PDE4B: variants seen among roughly 807,000 people sequenced by gnomAD.
PDE4B encodes the protein phosphodiesterase 4B.
In PDE4B, 20 loss-of-function variants were observed where a neutral mutation model predicts 82.2. That is an observed-to-expected ratio of 0.24 (90% CI 0.17 to 0.35). The LOEUF is 0.35. Ranked by LOEUF, PDE4B falls within the 10% of genes least tolerant of loss-of-function variation. The pLI is 1.00. For synonymous variants in PDE4B, 320 were observed against 318.9 expected (o/e 1.00, Z -0.04); for missense variants, 655 against 907.2 (o/e 0.72, Z 3.57).
chr1:65,962,442 C>CT (rs1481602367), intron 3 of PDE4B, among the ~76,000 whole-genome samples: 1 of 152,122 alleles, frequency 6.6e-6, no homozygotes, highest in African/African-American at 2.4e-5. Flanking sequence ...CACTGTTTTA[C>CT]TAGGGACATA....
rs72928219 is a variant in PDE4B, at chr1:66,362,438, G to A, written c.1020+645G>A. 9.1e-3 allele frequency among the ~76,000 whole-genome samples: 1,388 copies of A among 152,248 alleles called. 23 individuals carry two copies. The highest frequency in any genetic ancestry group is 0.032 in the African/African-American group (1,310 of 41,542). ...TGTGAGAATATGAAATGAGCTTACTGTGAGCAGTAAGACCTTCTGAAAGCT... is the reference window on the plus strand; with the variant it reads ...TGTGAGAATATGAAATGAGCTTACTATGAGCAGTAAGACCTTCTGAAAGCT... On this transcript the variant is annotated intron_variant, in intron 10 of 16. Transcript: ENST00000341517.
intron 1 of PDE4B, among the ~76,000 whole-genome samples, chr1:65,834,977 C>T (rs1161965322): frequency 6.6e-6 from 1 of 152,172 alleles, no homozygotes; most frequent in Non-Finnish European, 1.5e-5. Flanking sequence ...CCACTCTATC[C>T]ATCTATAGCT....
At position 66,368,865 on chromosome 1, in the gene PDE4B, C is replaced by A; in HGVS notation, c.1741C>A (p.Arg581Ser). ...SLELYRQWTD[R>S]IMEEFFQQGD... ...GGAATTGTATCGGCAATGGACAGAC[C>A]GCATCATGGAGGAATTTTTCCAGCA... is the stretch of plus-strand genomic sequence containing the variant. Residue 581 changes from arginine to serine, a missense_variant, in exon 16 of 17, where the codon CGC (arginine) becomes AGC (serine). This residue lies in a region of PDE4B where 283 missense variants were observed against 516.4 expected (regional missense o/e 0.55). Transcript: ENST00000341517. 1.2e-6 allele frequency: 2 copies of A among 1,613,200 alleles called. No homozygotes were observed. The highest frequency in any genetic ancestry group is 1.7e-6 in the Non-Finnish European group (2 of 1,179,526).
intron 1 of PDE4B, among the ~76,000 whole-genome samples, chr1:65,900,460 G>T (rs1002964390): frequency 6.6e-6 from 1 of 151,690 alleles, no homozygotes; most frequent in Non-Finnish European, 1.5e-5. Context: ...AATTTCACAC[G>T]AATTTTAGAA....
intron 3 of PDE4B, among the ~76,000 whole-genome samples, chr1:66,016,531 A>G (rs1359244158): frequency 5.3e-5 from 8 of 152,238 alleles, no homozygotes; most frequent in Non-Finnish European, 7.3e-5. Context: ...TATATTAGAG[A>G]TAAAAATTGT....
At chr1:66,265,189 C>T (rs1654945301) in intron 6 of PDE4B, among the ~76,000 whole-genome samples, 1 of 152,180 alleles carries the variant, frequency 6.6e-6, no homozygotes, top group Non-Finnish European at 1.5e-5. Context: ...GGGTAGGGCC[C>T]AGCAGTGTGT....
In PDE4B at chr1:66,374,544, T is replaced by C. The variant is rs932129482; in HGVS notation, c.*1866T>C. 2 of 152,680 alleles carry C rather than the reference T, an allele frequency of 1.3e-5. No homozygotes were observed. The highest frequency in any genetic ancestry group is 2.9e-5 in the Non-Finnish European group (2 of 68,046). The allele number at this position is 152,680 out of a possible 1,614,324, so 9.5% of individuals were successfully genotyped here. A position where few individuals can be genotyped will look rare whatever the true frequency, so the allele number is the denominator to read the frequency against. On this transcript the variant is annotated 3_prime_UTR_variant, in exon 17 of 17. Transcript: ENST00000341517. ...TTCAAATGCATTCTAAAGAGACTTT[T>C]ATATGAGGTGAATAAAGAAAAGCAT... is the stretch of plus-strand genomic sequence containing the variant.
intron 3 of PDE4B, among the ~76,000 whole-genome samples, chr1:66,223,845 A>G (rs1651205648): frequency 6.6e-6 from 1 of 152,104 alleles, no homozygotes; most frequent in Non-Finnish European, 1.5e-5. Context: ...AGTCAGCCAC[A>G]GATTTCTGGA....
At chr1:65,892,794 A>G (rs961031713) in intron 1 of PDE4B, among the ~76,000 whole-genome samples, 1 of 151,940 alleles carries the variant, frequency 6.6e-6, no homozygotes, top group Admixed American at 6.6e-5. Flanking sequence ...CTTCTGTTGC[A>G]TTTCTTCTTT....
At position 66,363,557 on chromosome 1, in the gene PDE4B, A is replaced by T; in HGVS notation, c.1270A>T (p.Thr424Ser). ...CCAGTCGACCCATGTTCTCCTTTCT[A>T]CACCAGCATTAGACGTGAGTAATTA... is the stretch of plus-strand genomic sequence containing the variant. ...VAQSTHVLLSTPALDAVFTDL... is the reference protein window; with the variant it reads ...VAQSTHVLLSSPALDAVFTDL... The change falls in exon 12 of 17, where the codon ACA (threonine) becomes TCA (serine). Residue 424 changes from threonine to serine, a missense_variant. Thr to Ser is a moderately conservative substitution (Grantham distance 58, BLOSUM62 1). Coordinates refer to ENST00000341517, the MANE Select transcript of PDE4B (RefSeq NM_002600.4). 6.2e-7 allele frequency: 1 copy of T among 1,612,162 alleles called. No homozygotes were observed. The highest frequency in any genetic ancestry group is 8.5e-7 in the Non-Finnish European group (1 of 1,179,308).
chr1:66,242,461 GT>G (rs1177218258), intron 3 of PDE4B, among the ~76,000 whole-genome samples: 1 of 152,180 alleles, frequency 6.6e-6, no homozygotes, highest in Non-Finnish European at 1.5e-5. Flanking sequence ...CGGGTTATTT[GT>G]TAGAATAAGC....
intron 3 of PDE4B, among the ~76,000 whole-genome samples, chr1:66,227,258 T>C (rs561316956): frequency 1.3e-5 from 2 of 152,346 alleles, no homozygotes; most frequent in Non-Finnish European, 2.9e-5. Context: ...TCTAAGTTTG[T>C]GTCTTTGGTA....
intron 1 of PDE4B, among the ~76,000 whole-genome samples, chr1:65,895,347 C>G (rs1041276765): frequency 1.3e-5 from 2 of 151,904 alleles, no homozygotes; most frequent in Non-Finnish European, 2.9e-5. Flanking sequence ...GTCAGGAGTT[C>G]AAGATCAGCT....
At chr1:66,105,643 A>G (rs1363332454) in intron 3 of PDE4B, among the ~76,000 whole-genome samples, 2 of 148,496 alleles carry the variant, frequency 1.3e-5, no homozygotes, top group South Asian at 2.1e-4. Flanking sequence ...TTCTCCTTGA[A>G]GAAGTCCTTC....
chr1:65,962,203 A>G (rs1649577811), intron 3 of PDE4B, among the ~76,000 whole-genome samples: 1 of 152,132 alleles, frequency 6.6e-6, no homozygotes, highest in South Asian at 2.1e-4. Flanking sequence ...GAAGTGAAAA[A>G]CAGAATAATT....
At chr1:66,237,976 A>G (rs1270097331) in intron 3 of PDE4B, among the ~76,000 whole-genome samples, 2 of 152,198 alleles carry the variant, frequency 1.3e-5, no homozygotes, top group Non-Finnish European at 2.9e-5. Flanking sequence ...AAAAAAGACA[A>G]ATAAATATAG....
At chr1:66,028,087 G>A (rs2100788687) in intron 3 of PDE4B, among the ~76,000 whole-genome samples, 1 of 152,342 alleles carries the variant, frequency 6.6e-6, no homozygotes, top group Non-Finnish European at 1.5e-5. Context: ...CCTAGCAGAG[G>A]TTCTCCATGA....
At chr1:66,329,191 G>A (rs1232248799) in intron 7 of PDE4B, among the ~76,000 whole-genome samples, 2 of 152,076 alleles carry the variant, frequency 1.3e-5, no homozygotes, top group Non-Finnish European at 2.9e-5. Flanking sequence ...GTATCCCAGT[G>A]CCTGAAATAA....
chr1:66,136,697 CAAAAAAAA>C (rs5774802), intron 3 of PDE4B, among the ~76,000 whole-genome samples: 81 of 61,566 alleles, frequency 1.3e-3, no homozygotes, highest in African/African-American at 5.6e-3. Flanking sequence ...GACTCCCTCT[CAAAAAAAA>C]AAAAAAAAAA....
Sources: gnomAD v4.1 joint callset for allele counts (sites outside exome capture counted in the v4.1 genomes callset) on GRCh38, gnomAD v4.1.1 for gene constraint, gnomAD v4.1.1 regional missense constraint, MANE v1.5 for transcripts, NCBI Gene and HGNC (gene_info 2026-07-23, HGNC 2026-07-21) for gene names.